NEXMIF: variants seen among roughly 807,000 people sequenced by gnomAD.
The protein encoded by NEXMIF is neurite extension and migration factor, also known as XLMR protein related to neurite extension.
In NEXMIF, 8 loss-of-function variants were observed where a neutral mutation model predicts 62.1. The observed-to-expected ratio is 0.13, with a 90% CI of 0.08 to 0.23. The LOEUF is 0.23. Among genes scored for constraint, NEXMIF ranks in the 10% least tolerant of loss-of-function variants. The pLI is 1.00. For synonymous variants in NEXMIF, 404 were observed against 416.6 expected (o/e 0.97, Z 0.37); for missense variants, 976 against 1,113.3 (o/e 0.88, Z 1.75).
intron 1 of NEXMIF, among the ~76,000 whole-genome samples, chrX:74,905,852 GAC>G (rs1194532515): frequency 9.0e-6 from 1 of 111,543 alleles, no homozygotes; most frequent in Non-Finnish European, 1.9e-5. Context: ...CAAAAATAAA[GAC>G]ACAAATAATT....
At chrX:74,764,236 T>C (rs1355015827) in intron 1 of NEXMIF, among the ~76,000 whole-genome samples, 1 of 112,004 alleles carries the variant, frequency 8.9e-6, no homozygotes, top group Non-Finnish European at 1.9e-5. Flanking sequence ...CATGTTGTTT[T>C]TGTCTTTGGT....
chrX:74,795,174 C>G (rs770391061), intron 1 of NEXMIF, among the ~76,000 whole-genome samples: 7 of 112,317 alleles, frequency 6.2e-5, no homozygotes, highest in Admixed American at 5.7e-4. Flanking sequence ...AGCAAATACA[C>G]TTCTAGGTAT....
At chrX:74,884,111 C>A (rs955504252) in intron 1 of NEXMIF, among the ~76,000 whole-genome samples, 1 of 111,715 alleles carries the variant, frequency 9.0e-6, no homozygotes, top group Non-Finnish European at 1.9e-5. Flanking sequence ...GATTTTGTAA[C>A]CACCAGGCCT....
chrX:74,825,795 C>A (rs772798176), intron 1 of NEXMIF, among the ~76,000 whole-genome samples: 3 of 112,380 alleles, frequency 2.7e-5, no homozygotes, highest in Non-Finnish European at 5.6e-5. Context: ...CCTCGTGATC[C>A]ACCAGCCTTG....
intron 1 of NEXMIF, among the ~76,000 whole-genome samples, chrX:74,870,826 G>C (rs1372802015): frequency 8.9e-6 from 1 of 111,838 alleles, no homozygotes; most frequent in Non-Finnish European, 1.9e-5. Context: ...ATGCTGGTGA[G>C]AATATGGAGA....
At chrX:74,827,711 G>C (rs2080423088) in intron 1 of NEXMIF, among the ~76,000 whole-genome samples, 1 of 111,671 alleles carries the variant, frequency 9.0e-6, no homozygotes, top group African/African-American at 3.3e-5. Flanking sequence ...TTCCACCATG[G>C]TCAATTTCAA....
chrX:74,805,918 G>A (rs2080343500), intron 1 of NEXMIF, among the ~76,000 whole-genome samples: 1 of 111,423 alleles, frequency 9.0e-6, no homozygotes, highest in Non-Finnish European at 1.9e-5. Flanking sequence ...ATAGTTTGAA[G>A]TTGGGTAAGG....
intron 1 of NEXMIF, among the ~76,000 whole-genome samples, chrX:74,756,831 T>C (rs766652200): frequency 1.8e-5 from 2 of 111,390 alleles, no homozygotes; most frequent in African/African-American, 6.6e-5. Context: ...CTGTGCTCAT[T>C]AAAGTCTGCA....
chrX:74,898,547 T>C (rs1460363637), intron 1 of NEXMIF, among the ~76,000 whole-genome samples: 1 of 111,763 alleles, frequency 8.9e-6, no homozygotes, highest in Non-Finnish European at 1.9e-5. Context: ...GTATAGACTT[T>C]AGTTAATTAT....
chrX:74,852,563 C>A lies in NEXMIF; in HGVS notation c.-48+72320G>T, dbSNP rs946298647. ...AACATTCTCCAAGATATAGGCCACA[C>A]AACAAATCTCAACAGTTTTTAAAAA... On this transcript the variant is annotated intron_variant, in intron 1 of 3. Coordinates refer to ENST00000055682, the MANE Select transcript of NEXMIF (RefSeq NM_001008537.3). 7.2e-5 allele frequency among the ~76,000 whole-genome samples: 8 copies of A among 111,606 alleles called. No homozygotes were observed. The Admixed American group carries it at 7.6e-4, about 11-fold the overall frequency.
intron 1 of NEXMIF, among the ~76,000 whole-genome samples, chrX:74,798,904 A>T (rs188401006): frequency 1.8e-5 from 2 of 110,734 alleles, no homozygotes; most frequent in Admixed American, 9.6e-5. Context: ...GGAAAGATGT[A>T]AAGAAAACAG....
intron 1 of NEXMIF, among the ~76,000 whole-genome samples, chrX:74,885,894 C>T (rs1286469974): frequency 8.9e-6 from 1 of 111,788 alleles, no homozygotes; most frequent in African/African-American, 3.3e-5. Flanking sequence ...ATGCAAAAAT[C>T]CTCAATGAAA....
At chrX:74,866,157 G>T (rs2080578462) in intron 1 of NEXMIF, among the ~76,000 whole-genome samples, 1 of 112,076 alleles carries the variant, frequency 8.9e-6, no homozygotes, top group Admixed American at 9.4e-5. Context: ...ATGCTTCCAA[G>T]CCACAGGGAT....
At chrX:74,921,069 AT>A (rs2080825220) in intron 1 of NEXMIF, among the ~76,000 whole-genome samples, 1 of 111,804 alleles carries the variant, frequency 8.9e-6, no homozygotes, top group African/African-American at 3.3e-5. Flanking sequence ...AAAAGTAATA[AT>A]TGTGTACATA....
In NEXMIF at chrX:74,878,159, G is replaced by A. The variant is rs759187671; in HGVS notation, c.-48+46724C>T. On this transcript the variant is annotated intron_variant, in intron 1 of 3. Transcript: ENST00000055682. Reference sequence around the variant, plus strand: ...TCTTTGATGATGGTGATGTACAGATGGGTTTTTGGTGTGGATGTCCTTTCT... The same window carrying A: ...TCTTTGATGATGGTGATGTACAGATAGGTTTTTGGTGTGGATGTCCTTTCT... 1.3e-4 allele frequency among the ~76,000 whole-genome samples: 14 copies of A among 111,470 alleles called. No homozygotes were observed. In the South Asian group the frequency reaches 4.9e-3, roughly 39 times the overall value.
chrX:74,895,946 T>C (rs148163762), intron 1 of NEXMIF, among the ~76,000 whole-genome samples: 11 of 110,873 alleles, frequency 9.9e-5, no homozygotes, highest in Non-Finnish European at 1.7e-4. Flanking sequence ...AGGAATCTTA[T>C]CTGCTCAATT....
intron 1 of NEXMIF, among the ~76,000 whole-genome samples, chrX:74,813,723 A>G (rs767316300): frequency 8.9e-6 from 1 of 112,295 alleles, no homozygotes. Flanking sequence ...ATCTGTATGT[A>G]TCAATGATGT....
At chrX:74,744,919 CT>C (rs1458049746) in intron 2 of NEXMIF, among the ~76,000 whole-genome samples, 3 of 64,188 alleles carry the variant, frequency 4.7e-5, no homozygotes, top group African/African-American at 1.0e-4. Context: ...CTCTCTCTCT[CT>C]TCTCTCTCTC....
intron 1 of NEXMIF, among the ~76,000 whole-genome samples, chrX:74,873,142 C>T (rs1433628347): frequency 9.1e-6 from 1 of 109,703 alleles, no homozygotes; most frequent in Non-Finnish European, 1.9e-5. Flanking sequence ...CCTCCCCCAT[C>T]CCCCAACCCC....
Sources: gnomAD v4.1 joint callset for allele counts (sites outside exome capture counted in the v4.1 genomes callset) on GRCh38, gnomAD v4.1.1 for gene constraint, MANE v1.5 for transcripts, NCBI Gene and HGNC (gene_info 2026-07-23, HGNC 2026-07-21) for gene names.